Variants in MALRD1 observed in about 807,000 individuals in gnomAD.
The protein encoded by MALRD1 is MAM and LDL-receptor class A domain-containing protein 1.
Under a neutral mutation model 242.1 loss-of-function variants are expected in MALRD1, and 247 were observed. That is an observed-to-expected ratio of 1.02 (90% confidence interval 0.92 to 1.13). The LOEUF (loss-of-function observed/expected upper bound fraction) is 1.13, where lower values mean the gene tolerates loss of function less well. Ranked by LOEUF, MALRD1 falls within the 50% of genes most tolerant of loss-of-function variation. MALRD1 has a pLI of 0.00. For synonymous variants in MALRD1, 995 were observed against 866.6 expected, an observed-to-expected ratio of 1.15 and a Z score of -2.60; for missense variants, 2,989 against 2,533.1, an observed-to-expected ratio of 1.18 and a Z score of -3.86.
rs1331246414 is a variant in MALRD1 at position 19,708,786 on chromosome 10, C to T, written c.6314+16232C>T. On this transcript the variant is annotated intron_variant, in intron 38 of 39. Coordinates refer to ENST00000454679, the MANE Select transcript of MALRD1 (RefSeq NM_001142308.3). ...AAGCGATTCTCCTGCCTCAGCCTCC[C>T]GAGTACCTGGGACTACAGGCGCACG... is the stretch of plus-strand genomic sequence containing the variant. Among the ~76,000 whole-genome samples, 56 of 122,504 alleles carry T rather than the reference C, an allele frequency of 4.6e-4. 8 individuals are homozygous for T. Among genetic ancestry groups the T allele is most frequent in the African/African-American group, 1.3e-3 (50 of 38,358 alleles). The allele number at this position is 122,504 out of a possible 152,430, so 80.4% of individuals were successfully genotyped here. A position where few individuals can be genotyped will look rare whatever the true frequency, so the allele number is the denominator to read the frequency against.
intron 29 of MALRD1, among the ~76,000 whole-genome samples, chr10:19,487,158 T>C (rs1164177080): frequency 6.6e-6 from 1 of 152,176 alleles, no homozygotes; most frequent in Non-Finnish European, 1.5e-5. Context: ...TCCATTCTTT[T>C]ATCATCAAAT....
In MALRD1 at chr10:19,128,344, CA is replaced by C; in HGVS notation, c.1069del (p.Met357TrpfsTer6). ...AGCTGTCATCTTCAATTCTATTATG[CA>C]ATGGAAAGCAGTGTCCTGAGAGTAA... is the stretch of plus-strand genomic sequence containing the variant. ...GKSCHLQFYY[A>X]MESSVLRVRL... is the part of the protein sequence containing the mutation. On this transcript the variant is annotated frameshift_variant, in exon 8 of 40. Coordinates refer to ENST00000454679, the MANE Select transcript of MALRD1 (RefSeq NM_001142308.3). LOFTEE classifies it high-confidence loss of function. 8.1e-7 allele frequency: 1 copy of C among 1,233,138 alleles called. No individual in the cohort carries two copies. Among genetic ancestry groups the C allele is most frequent in the African/African-American group, 1.5e-5 (1 of 64,554 alleles). 76.4% of individuals were successfully genotyped at this position (1,233,138 alleles called of 1,614,324 possible).
At chr10:19,576,512 A>C (rs1836834244) in intron 33 of MALRD1, among the ~76,000 whole-genome samples, 1 of 152,224 alleles carries the variant, frequency 6.6e-6, no homozygotes, top group Non-Finnish European at 1.5e-5. Context: ...AAGGGAAATT[A>C]ATCAAAATAC....
intron 19 of MALRD1, among the ~76,000 whole-genome samples, chr10:19,265,948 C>T (rs1324861199): frequency 6.6e-6 from 1 of 151,716 alleles, no homozygotes; most frequent in African/African-American, 2.4e-5. Context: ...TGATTAATTG[C>T]TATATATTTA....
chr10:19,532,337 C>G lies in MALRD1; in HGVS notation c.5478+986C>G, dbSNP rs113169790. ...TGGTGCGATCTCAGTTCACTGGAAC[C>G]TCCGCCTCCCAGGTTCAAGTGATTC... On this transcript the variant is annotated intron_variant, in intron 32 of 39. Transcript: ENST00000454679. Among the ~76,000 whole-genome samples, 953 of 152,240 alleles carry G rather than the reference C, an allele frequency of 6.3e-3. 9 individuals carry two copies. The highest frequency in any genetic ancestry group is 0.019 in the African/African-American group (801 of 41,532).
At chr10:19,605,243 C>T (rs1273370276) in intron 34 of MALRD1, among the ~76,000 whole-genome samples, 1 of 151,524 alleles carries the variant, frequency 6.6e-6, no homozygotes, top group Non-Finnish European at 1.5e-5. Flanking sequence ...TAACCTCCAC[C>T]TCCCAGGTTC....
At chr10:19,577,787 C>T (rs1295086766) in intron 33 of MALRD1, among the ~76,000 whole-genome samples, 1 of 151,882 alleles carries the variant, frequency 6.6e-6, no homozygotes, top group East Asian at 1.9e-4. Flanking sequence ...AACATGGTAA[C>T]TTAGTCATTT....
intron 13 of MALRD1, among the ~76,000 whole-genome samples, chr10:19,171,451 TATATATAC>T (rs1564440040): frequency 0.012 from 887 of 73,030 alleles, 43 homozygotes; most frequent in African/African-American, 0.022. Context: ...TATATATATA[TATATATAC>T]ACACATGTAT....
chr10:19,379,719 A>C (rs1458569713), intron 26 of MALRD1, among the ~76,000 whole-genome samples: 1 of 152,052 alleles, frequency 6.6e-6, no homozygotes, highest in Non-Finnish European at 1.5e-5. Context: ...GCTAGTGACT[A>C]TTTCACACGT....
chr10:19,697,101 C>T (rs1017384425), intron 38 of MALRD1, among the ~76,000 whole-genome samples: 1 of 151,818 alleles, frequency 6.6e-6, no homozygotes, highest in Non-Finnish European at 1.5e-5. Context: ...TCTGGCTTCT[C>T]CAGAAAAACA....
intron 28 of MALRD1, among the ~76,000 whole-genome samples, chr10:19,444,470 G>A (rs1248287059): frequency 6.6e-6 from 1 of 151,136 alleles, no homozygotes; most frequent in African/African-American, 2.4e-5. Flanking sequence ...CATGTTTATT[G>A]CTTCCTTCAG....
At chr10:19,366,238 G>A (rs1845102222) in intron 26 of MALRD1, among the ~76,000 whole-genome samples, 1 of 151,730 alleles carries the variant, frequency 6.6e-6, no homozygotes, top group Non-Finnish European at 1.5e-5. Flanking sequence ...GGTCCCATCC[G>A]GGGGTGATGG....
intron 31 of MALRD1, among the ~76,000 whole-genome samples, chr10:19,511,251 G>A (rs1833388899): frequency 2.6e-5 from 4 of 152,222 alleles, no homozygotes; most frequent in Non-Finnish European, 5.9e-5. Context: ...GAGTGGTGCC[G>A]TTAAAATGCC....
At chr10:19,125,321 CCTTCTTTCTTT>C (rs1837233235) in intron 7 of MALRD1, among the ~76,000 whole-genome samples, 1 of 77,236 alleles carries the variant, frequency 1.3e-5, no homozygotes, top group Non-Finnish European at 2.6e-5. Flanking sequence ...TTCCTTCCTT[CCTTCTTTCTTT>C]CTTTCTTTCT....
chr10:19,507,389 C>T (rs1833192680), intron 31 of MALRD1, among the ~76,000 whole-genome samples: 1 of 151,826 alleles, frequency 6.6e-6, no homozygotes, highest in Non-Finnish European at 1.5e-5. Flanking sequence ...ATCGTTCCCA[C>T]AAAGTATGAA....
chr10:19,368,916 TGTG>T (rs1845237366), intron 26 of MALRD1, among the ~76,000 whole-genome samples: 1 of 149,724 alleles, frequency 6.7e-6, no homozygotes, highest in Non-Finnish European at 1.5e-5. Flanking sequence ...TGTGTGTGTG[TGTG>T]TGTATGTAAT....
chr10:19,100,981 T>C (rs1489679491), intron 4 of MALRD1, among the ~76,000 whole-genome samples: 1 of 152,136 alleles, frequency 6.6e-6, no homozygotes, highest in Non-Finnish European at 1.5e-5. Context: ...GATTTTTACC[T>C]ACAAACACAC....
Position 19,211,279 on chromosome 10 carries a change from C to A in MALRD1, c.2991+1599C>A, listed in dbSNP as rs181764941. Among the ~76,000 whole-genome samples the A allele has an allele frequency of 4.6e-4, 70 of 152,042 alleles. 1 individual carries two copies. The South Asian group carries it at 0.011, about 25-fold the overall frequency. On this transcript the variant is annotated intron_variant, in intron 18 of 39. Transcript: ENST00000454679. ...TGAGACCCATGTTGGGTTACAAATG[C>A]AGTGTTCTGATTGATTTTTATCTAA...
chr10:19,096,384 A>G (rs1323054123), intron 4 of MALRD1, among the ~76,000 whole-genome samples: 1 of 152,190 alleles, frequency 6.6e-6, no homozygotes, highest in African/African-American at 2.4e-5. Context: ...ATACGTGTGC[A>G]ATATATTAAT....
Sources: allele counts gnomAD v4.1 joint callset (sites outside exome capture counted in the v4.1 genomes callset), GRCh38; gene constraint gnomAD v4.1.1; transcripts MANE v1.5; gene names NCBI Gene and HGNC (gene_info 2026-07-23, HGNC 2026-07-21).